The following CHCHD6 variants were observed in gnomAD, a reference collection of about 807,000 sequenced individuals.
CHCHD6 encodes MICOS complex subunit MIC25.
CHCHD6 carries 28 observed loss-of-function variants against 32.3 expected under a neutral mutation model. The observed-to-expected ratio is 0.87, with a 90% CI of 0.64 to 1.19. CHCHD6 has a LOEUF of 1.19. Ranked by LOEUF, CHCHD6 falls within the 50% of genes most tolerant of loss-of-function variation. CHCHD6 has a pLI of 0.00. For missense variants in CHCHD6, 333 were observed against 307.0 expected, an observed-to-expected ratio of 1.08 and a Z score of -0.63; for synonymous variants, 122 against 117.5, an observed-to-expected ratio of 1.04 and a Z score of -0.25.
chr3:126,924,999 G>A (rs185945082), intron 6 of CHCHD6, among the ~76,000 whole-genome samples: 28 of 152,336 alleles, frequency 1.8e-4, no homozygotes, highest in Admixed American at 1.4e-3. Context: ...TCATGTGTTA[G>A]TGGGGAGTAA....
chr3:126,751,755 G>T (rs916829017), intron 4 of CHCHD6, among the ~76,000 whole-genome samples: 3 of 152,162 alleles, frequency 2.0e-5, no homozygotes, highest in Non-Finnish European at 4.4e-5. Context: ...CTTCCCAGTT[G>T]TGCTCCCTGA....
chr3:126,805,105 G>A (rs1939299088), intron 4 of CHCHD6, among the ~76,000 whole-genome samples: 2 of 152,064 alleles, frequency 1.3e-5, no homozygotes, highest in Admixed American at 1.3e-4. Context: ...TACTGAATGG[G>A]CAAAAACTGG....
At chr3:126,850,590 C>G (rs1421577573) in intron 4 of CHCHD6, among the ~76,000 whole-genome samples, 2 of 152,170 alleles carry the variant, frequency 1.3e-5, no homozygotes, top group African/African-American at 4.8e-5. Context: ...AACGCACCTC[C>G]TTGTCTCTGC....
intron 6 of CHCHD6, among the ~76,000 whole-genome samples, chr3:126,930,077 T>C (rs1440645270): frequency 6.6e-6 from 1 of 152,200 alleles, no homozygotes; most frequent in Non-Finnish European, 1.5e-5. Context: ...TCCTCTCTAA[T>C]AATGTAGGAA....
intron 5 of CHCHD6, among the ~76,000 whole-genome samples, chr3:126,902,008 A>G (rs2077935314): frequency 6.6e-6 from 1 of 152,242 alleles, no homozygotes; most frequent in Non-Finnish European, 1.5e-5. Flanking sequence ...GGAACGCGCA[A>G]GTTAAGTAAT....
chr3:126,937,829 G>A (rs936303769), intron 6 of CHCHD6, among the ~76,000 whole-genome samples: 1 of 152,118 alleles, frequency 6.6e-6, no homozygotes, highest in Admixed American at 6.5e-5. Context: ...GCTGGAGGGT[G>A]TGGGGGGAGA....
chr3:126,893,725 T>C (rs1300203872), intron 5 of CHCHD6, among the ~76,000 whole-genome samples: 1 of 152,230 alleles, frequency 6.6e-6, no homozygotes, highest in Non-Finnish European at 1.5e-5. Flanking sequence ...AAACATGGCT[T>C]GATTGGGCCA....
chr3:126,764,877 G>C (rs1937302040), intron 4 of CHCHD6, among the ~76,000 whole-genome samples: 1 of 152,116 alleles, frequency 6.6e-6, no homozygotes, highest in Non-Finnish European at 1.5e-5. Context: ...CTTCTCCCCT[G>C]GACTACTGAT....
intron 4 of CHCHD6, among the ~76,000 whole-genome samples, chr3:126,746,582 G>A (rs1253295118): frequency 6.6e-6 from 1 of 152,180 alleles, no homozygotes; most frequent in Non-Finnish European, 1.5e-5. Context: ...TGAACACGGG[G>A]CCCATTCTCT....
intron 5 of CHCHD6, among the ~76,000 whole-genome samples, chr3:126,888,391 C>A (rs2077706997): frequency 6.6e-6 from 1 of 152,238 alleles, no homozygotes; most frequent in Admixed American, 6.5e-5. Context: ...TGTTATCTAA[C>A]ATCTGAGCTA....
chr3:126,953,140 A>G, intron 6 of CHCHD6: 1 of 985,338 alleles, frequency 1.0e-6, no homozygotes, highest in Non-Finnish European at 1.2e-6. Flanking sequence ...TACCTGATGC[A>G]CCGACCACAC....
chr3:126,719,221 G>C (rs1323899144), intron 1 of CHCHD6, among the ~76,000 whole-genome samples: 3 of 152,190 alleles, frequency 2.0e-5, no homozygotes, highest in African/African-American at 7.2e-5. Context: ...CTTCTGTGGG[G>C]CCCTCGGACA....
chr3:126,770,590 GGTTTT>G (rs1937525857), intron 4 of CHCHD6, among the ~76,000 whole-genome samples: 1 of 152,154 alleles, frequency 6.6e-6, no homozygotes, highest in African/African-American at 2.4e-5. Flanking sequence ...ATGGTCATGT[GGTTTT>G]GTTTTTAGTT....
chr3:126,821,517 A>G (rs915056194), intron 4 of CHCHD6, among the ~76,000 whole-genome samples: 5 of 151,904 alleles, frequency 3.3e-5, no homozygotes, highest in Admixed American at 1.3e-4. Flanking sequence ...GCTGGTCTCA[A>G]ACTCCTGACC....
At chr3:126,705,129 G>T (rs913401445) in intron 1 of CHCHD6, among the ~76,000 whole-genome samples, 1 of 152,228 alleles carries the variant, frequency 6.6e-6, no homozygotes, top group Non-Finnish European at 1.5e-5. Flanking sequence ...CTTAAATCCC[G>T]CTGTTTCTTG....
At chr3:126,742,183 T>A (rs547835454) in intron 4 of CHCHD6, among the ~76,000 whole-genome samples, 1 of 152,192 alleles carries the variant, frequency 6.6e-6, no homozygotes, top group African/African-American at 2.4e-5. Context: ...TGGCACTCAC[T>A]GCATTCAGCA....
chr3:126,709,856 A>C (rs892249844), intron 1 of CHCHD6, among the ~76,000 whole-genome samples: 3 of 152,334 alleles, frequency 2.0e-5, no homozygotes, highest in Non-Finnish European at 4.4e-5. Flanking sequence ...TTGTTAAGCT[A>C]TAAGATATCT....
In CHCHD6 at chr3:126,796,110, T is replaced by C. The variant is rs533991937; in HGVS notation, c.412-56537T>C. Among the ~76,000 whole-genome samples, 6 of 152,198 alleles carry C rather than the reference T, an allele frequency of 3.9e-5. No homozygotes were observed. The South Asian group carries it at 1.2e-3, about 32-fold the overall frequency. ...GTGTAATCCCAGCACTTTGGGAGGC[T>C]GAGGAGGGAGGGTTGCTTGAGCCCA... On this transcript the variant is annotated intron_variant, in intron 4 of 7. Transcript: ENST00000290913.
chr3:126,720,883 C>T (rs1282776388), intron 1 of CHCHD6, among the ~76,000 whole-genome samples: 1 of 152,204 alleles, frequency 6.6e-6, no homozygotes, highest in Non-Finnish European at 1.5e-5. Context: ...CACTGACTCA[C>T]TCAGGGTCTT....
Sources: allele counts gnomAD v4.1 joint callset (sites outside exome capture counted in the v4.1 genomes callset), GRCh38; gene constraint gnomAD v4.1.1; transcripts MANE v1.5; gene names NCBI Gene and HGNC (gene_info 2026-07-23, HGNC 2026-07-21).